Variants in MAST4 observed in about 807,000 individuals in gnomAD.
MAST4 encodes the protein microtubule associated serine/threonine kinase family member 4.
Under a neutral mutation model 162.7 loss-of-function variants are expected in MAST4, and 89 were observed. The observed-to-expected ratio is 0.55, with a 90% CI of 0.46 to 0.65. MAST4 has a LOEUF of 0.65. MAST4 is among the 30% of genes least tolerant of loss of function. The pLI is 0.00. For synonymous variants in MAST4, 1,479 were observed against 1,361.1 expected, an observed-to-expected ratio of 1.09 and a Z score of -1.91; for missense variants, 3,153 against 3,374.0, an observed-to-expected ratio of 0.93 and a Z score of 1.62.
chr5:66,933,077 A>G (rs150335384), intron 4 of MAST4, among the ~76,000 whole-genome samples: 105 of 152,332 alleles, frequency 6.9e-4, no homozygotes, highest in Non-Finnish European at 1.2e-3. Context: ...TGCCTCTTCA[A>G]CACCTTACTT....
chr5:66,918,205 G>C (rs992866571), intron 4 of MAST4, among the ~76,000 whole-genome samples: 1 of 152,086 alleles, frequency 6.6e-6, no homozygotes, highest in South Asian at 2.1e-4. Context: ...AGCTTAAGGG[G>C]TTAAAGTTTT....
intron 4 of MAST4, among the ~76,000 whole-genome samples, chr5:66,995,205 G>C (rs1408901450): frequency 6.6e-6 from 1 of 152,140 alleles, no homozygotes; most frequent in Non-Finnish European, 1.5e-5. Flanking sequence ...AAGACTCATA[G>C]AGCTTTTATT....
chr5:66,906,662 A>G (rs1444827130), intron 4 of MAST4, among the ~76,000 whole-genome samples: 1 of 152,168 alleles, frequency 6.6e-6, no homozygotes, highest in African/African-American at 2.4e-5. Flanking sequence ...TGTCGCCCAA[A>G]CTAAATTTAG....
rs1456572191 is a variant in MAST4 at position 67,152,738 on chromosome 5, G to A, written c.3397G>A (p.Ala1133Thr). Residue 1133 changes from alanine to threonine, a missense_variant, in exon 25 of 29, where the codon GCA becomes ACA. Around this residue, in one of 7 missense-constraint regions of MAST4, gnomAD observed 619 missense variants for 744.2 expected, o/e 0.83. Transcript: ENST00000403625. Reference sequence around the variant, plus strand: ...TTCCTCTCCCAGCCGAGATTCCTCAGCAGCTTCTGCCAGTCCACATCAGCC... The same window carrying A: ...TTCCTCTCCCAGCCGAGATTCCTCAACAGCTTCTGCCAGTCCACATCAGCC... ...RDSSPSRDSS[A>T]ASASPHQPIV... 4 of 1,613,936 alleles carry A rather than the reference G, an allele frequency of 2.5e-6. No homozygotes were observed. Among genetic ancestry groups the A allele is most frequent in the Non-Finnish European group, 3.4e-6 (4 of 1,179,908 alleles).
intron 2 of MAST4, among the ~76,000 whole-genome samples, chr5:66,784,470 A>T (rs1212235725): frequency 1.3e-5 from 2 of 152,168 alleles, no homozygotes; most frequent in Non-Finnish European, 2.9e-5. Context: ...TACACTTCTA[A>T]GTTGAAGTAG....
In MAST4 at chr5:67,164,442, TTTGTTCCCCTCA is replaced by T; in HGVS notation, c.5264_5275del (p.Phe1755_Lys1759delinsTer). 6.2e-7 allele frequency: 1 copy of T among 1,613,976 alleles called. No individual in the cohort carries two copies. Among genetic ancestry groups the T allele is most frequent in the East Asian group, 2.2e-5 (1 of 44,868 alleles). ...TGCAGCTCAGATGAGTGCCGTCTCT[TTTGTTCCCCTCA>T]AGGCCTTAACAGGCCGGGTGGACAG... On this transcript the variant is annotated stop_gained and inframe_deletion, in exon 29 of 29. Transcript: ENST00000403625. LOFTEE classifies it low-confidence loss of function (END_TRUNC). The surrounding 1 kb of genome is among the most constrained non-coding windows in gnomAD (Gnocchi z 5.3).
At chr5:66,728,468 A>G (rs541976725) in intron 1 of MAST4, among the ~76,000 whole-genome samples, 31 of 152,296 alleles carry the variant, frequency 2.0e-4, no homozygotes, top group African/African-American at 7.5e-4. Context: ...TGAATGACAT[A>G]TACATATCTA....
In MAST4 at chr5:66,899,936, T is replaced by G. The variant is rs1348822575; in HGVS notation, c.643-15T>G. 1 of 1,511,288 alleles carries G rather than the reference T, an allele frequency of 6.6e-7. No individual in the cohort carries two copies. Among genetic ancestry groups the G allele is most frequent in the Non-Finnish European group, 8.8e-7 (1 of 1,132,130 alleles). 93.6% of individuals were successfully genotyped at this position (1,511,288 alleles called of 1,614,324 possible). A position where few individuals can be genotyped will look rare whatever the true frequency, so the allele number is the denominator to read the frequency against. Reference sequence around the variant, plus strand: ...ATGCAGCATTGCTTATATATGGTTTTTTTTTCTTTTGCAGAAGGAGCTGAG... The same window carrying G: ...ATGCAGCATTGCTTATATATGGTTTGTTTTTCTTTTGCAGAAGGAGCTGAG... On this transcript the variant is annotated splice_polypyrimidine_tract_variant and intron_variant, in intron 3 of 28. Transcript: ENST00000403625.
At chr5:66,930,675 T>A (rs964937285) in intron 4 of MAST4, 3 of 469,670 alleles carry the variant, frequency 6.4e-6, no homozygotes, top group Non-Finnish European at 1.3e-5. Flanking sequence ...TTGACATGCT[T>A]TCAGGAATGT....
At chr5:66,945,627 G>A (rs1301456295) in intron 4 of MAST4, among the ~76,000 whole-genome samples, 5 of 152,134 alleles carry the variant, frequency 3.3e-5, no homozygotes, top group South Asian at 2.1e-4. Context: ...CTGTCTCTGT[G>A]TCTGCTGGAG....
intron 4 of MAST4, among the ~76,000 whole-genome samples, chr5:67,041,938 A>G (rs553225316): frequency 2.0e-5 from 3 of 152,184 alleles, no homozygotes; most frequent in Non-Finnish European, 2.9e-5. Flanking sequence ...ATGATTATTG[A>G]TATTATTATC....
intron 4 of MAST4, among the ~76,000 whole-genome samples, chr5:66,982,020 G>A (rs1748914867): frequency 6.6e-6 from 1 of 152,120 alleles, no homozygotes; most frequent in South Asian, 2.1e-4. Flanking sequence ...CAATTTTGTG[G>A]GAATAGGTAG....
Position 66,596,556 on chromosome 5 carries a change from G to C in MAST4, c.-100G>C, listed in dbSNP as rs1579944768. Reference sequence around the variant, plus strand: ...CTCCCTGCAGCCCGGGAGCGGCAGTGCCAGTGAGCCTGAGCCCAGGAGCCC... The same window carrying C: ...CTCCCTGCAGCCCGGGAGCGGCAGTCCCAGTGAGCCTGAGCCCAGGAGCCC... On this transcript the variant is annotated 5_prime_UTR_variant, in exon 1 of 29. Coordinates refer to ENST00000403625, the MANE Select transcript of MAST4 (RefSeq NM_001164664.2). 3 of 1,267,112 alleles carry C rather than the reference G, an allele frequency of 2.4e-6. No homozygotes were observed. In the East Asian group the frequency reaches 9.4e-5, roughly 40 times the overall value. 78.5% of individuals were successfully genotyped at this position (1,267,112 alleles called of 1,614,324 possible).
At chr5:66,750,828 C>T (rs1444704957) in intron 1 of MAST4, among the ~76,000 whole-genome samples, 4 of 152,236 alleles carry the variant, frequency 2.6e-5, no homozygotes, top group African/African-American at 9.6e-5. Flanking sequence ...TCTGTAGGCT[C>T]CACCTCTGGG....
intron 1 of MAST4, among the ~76,000 whole-genome samples, chr5:66,681,606 A>G (rs902731269): frequency 6.6e-6 from 1 of 152,230 alleles, no homozygotes; most frequent in East Asian, 1.9e-4. Flanking sequence ...GCCCTTGTTC[A>G]GCTGCAGGCT....
At chr5:66,654,189 C>T (rs969875637) in intron 1 of MAST4, among the ~76,000 whole-genome samples, 1 of 152,106 alleles carries the variant, frequency 6.6e-6, no homozygotes, top group Non-Finnish European at 1.5e-5. Context: ...AGGGGAGACT[C>T]CTCTGAGGAG....
intron 1 of MAST4, among the ~76,000 whole-genome samples, chr5:66,636,644 T>A: frequency 6.6e-6 from 1 of 152,318 alleles, no homozygotes; most frequent in Non-Finnish European, 1.5e-5. Context: ...GTAAGTCACT[T>A]GTGGTAATGA....
At chr5:66,697,773 A>C (rs1749498623) in intron 1 of MAST4, among the ~76,000 whole-genome samples, 1 of 152,166 alleles carries the variant, frequency 6.6e-6, no homozygotes, top group Admixed American at 6.6e-5. Context: ...AATCAGGGCG[A>C]ACTAATGTTT....
At chr5:66,964,273 G>A (rs893525673) in intron 4 of MAST4, among the ~76,000 whole-genome samples, 2 of 152,090 alleles carry the variant, frequency 1.3e-5, no homozygotes, top group African/African-American at 4.8e-5. Context: ...CTCATAGGCT[G>A]ATTATATTCA....
Sources: gnomAD v4.1 joint callset for allele counts (sites outside exome capture counted in the v4.1 genomes callset) on GRCh38, gnomAD v4.1.1 for gene constraint, gnomAD v4.1.1 regional missense constraint, Gnocchi (gnomAD v3.1) non-coding constraint, MANE v1.5 for transcripts, NCBI Gene and HGNC (gene_info 2026-07-23, HGNC 2026-07-21) for gene names.